KIF2C: variants seen among roughly 807,000 people sequenced by gnomAD.
KIF2C encodes the protein kinesin-like protein KIF2C.
KIF2C carries 34 observed loss-of-function variants against 97.4 expected under a neutral mutation model. The ratio of observed to expected loss-of-function variants is 0.35; its 90% CI spans 0.27 to 0.46. The LOEUF (loss-of-function observed/expected upper bound fraction) is 0.46, where lower values mean the gene tolerates loss of function less well. Among genes scored for constraint, KIF2C ranks in the 20% least tolerant of loss-of-function variants. The pLI is 1.00. For synonymous variants in KIF2C, 313 were observed against 318.2 expected (o/e 0.98, Z 0.17); for missense variants, 750 against 907.6 (o/e 0.83, Z 2.23).
At chr1:44,745,234 C>G (rs974909900) in intron 2 of KIF2C, among the ~76,000 whole-genome samples, 1 of 151,120 alleles carries the variant, frequency 6.6e-6, no homozygotes, top group African/African-American at 2.4e-5. Flanking sequence ...TTTATGCTCT[C>G]TGTAGTTTAG....
At position 44,750,454 on chromosome 1, in the gene KIF2C, G is replaced by T. The variant is rs1407372422; in HGVS notation, c.329G>T (p.Arg110Leu). Residue 110 changes from arginine to leucine, a missense_variant, in exon 5 of 21, where the codon CGC becomes CTC. Arg to Leu is a moderately radical substitution (Grantham distance 102, BLOSUM62 -2). Coordinates refer to ENST00000372224, the MANE Select transcript of KIF2C (RefSeq NM_006845.4). The part of the protein sequence containing the change: ...IPAPKESLRS[R>L]STRMSTVSEL... The stretch of plus-strand genomic sequence containing the variant: ...CTCGGTTCTCCAGGTCTTCGAAGCC[G>T]CTCCACTCGCATGTCCACTGTCTCA... 2 of 1,488,876 alleles carry T rather than the reference G, an allele frequency of 1.3e-6. No homozygotes were observed. 92.2% of individuals were successfully genotyped at this position (1,488,876 alleles called of 1,614,324 possible). A position where few individuals can be genotyped will look rare whatever the true frequency, so the allele number is the denominator to read the frequency against.
chr1:44,746,257 T>C, intron 2 of KIF2C: 2 of 583,982 alleles, frequency 3.4e-6, no homozygotes, highest in Non-Finnish European at 4.3e-6. Context: ...AAATACAAAG[T>C]TGGGACAAAT....
intron 19 of KIF2C, 145 bp from the exon 20 acceptor site, chr1:44,766,681 C>T: frequency 2.5e-6 from 2 of 795,700 alleles, no homozygotes; most frequent in Non-Finnish European, 3.9e-6. Flanking sequence ...TAAGGATTTC[C>T]TTGGGGAGAG....
intron 10 of KIF2C, among the ~76,000 whole-genome samples, chr1:44,757,183 C>T (rs548779130): frequency 6.6e-5 from 10 of 152,320 alleles, no homozygotes; most frequent in Admixed American, 2.6e-4. Flanking sequence ...TCCCAAAGTG[C>T]TGGGATTACA....
chr1:44,740,921 C>G lies in KIF2C; in HGVS notation c.79C>G (p.His27Asp). The G allele has an allele frequency of 6.2e-7, 1 of 1,608,362 alleles. No individual in the cohort carries two copies. The highest frequency in any genetic ancestry group is 8.5e-7 in the Non-Finnish European group (1 of 1,176,316). ...TTTTTCATACTTTATAGGTTTAATT[C>G]ACAGTGCCAATGTAAGGACTGTGAA... Reference protein sequence around the residue: ...IKIQRSNGLIHSANVRTVNLE... With the variant: ...IKIQRSNGLIDSANVRTVNLE... Residue 27 changes from histidine to aspartate, a missense_variant, in exon 2 of 21, where the codon CAC (histidine) becomes GAC (aspartate). By Grantham distance (81) the His-to-Asp change is moderately conservative. Transcript: ENST00000372224.
At chr1:44,748,461 C>T (rs1649336314) in intron 4 of KIF2C, among the ~76,000 whole-genome samples, 1 of 152,120 alleles carries the variant, frequency 6.6e-6, no homozygotes, top group African/African-American at 2.4e-5. Context: ...CTGGGTGTAC[C>T]GTAAGGTCAT....
intron 17 of KIF2C, 105 bp downstream of exon 17, chr1:44,762,088 C>A: frequency 9.6e-7 from 1 of 1,040,452 alleles, no homozygotes; most frequent in East Asian, 2.4e-5. Context: ...ACTGTATACT[C>A]CTCTGTGACT....
intron 2 of KIF2C, chr1:44,746,619 A>T (rs1649207614): frequency 1.4e-6 from 2 of 1,479,976 alleles, no homozygotes; most frequent in African/African-American, 2.8e-5. Flanking sequence ...TGCCCAGCAG[A>T]TCAGCAGGGG....
intron 1 of KIF2C, 59 bp from the exon 2 acceptor site, chr1:44,740,854 C>T (rs552334552): frequency 3.6e-6 from 4 of 1,100,492 alleles, no homozygotes; most frequent in East Asian, 5.7e-5. Flanking sequence ...TCTGTGGAAT[C>T]CTAAAAGTGA....
chr1:44,741,635 T>C (rs1279977692), intron 2 of KIF2C, among the ~76,000 whole-genome samples: 1 of 151,796 alleles, frequency 6.6e-6, no homozygotes, highest in African/African-American at 2.4e-5. Flanking sequence ...CACTGAACCA[T>C]GATCGAGCCA....
intron 4 of KIF2C, among the ~76,000 whole-genome samples, chr1:44,749,297 G>C (rs1284446560): frequency 6.6e-6 from 1 of 152,132 alleles, no homozygotes; most frequent in Non-Finnish European, 1.5e-5. Context: ...AGCCAGGCGT[G>C]GTGGTGGGTG....
chr1:44,747,508 C>T, intron 3 of KIF2C, 23 bp downstream of exon 3: 1 of 1,585,050 alleles, frequency 6.3e-7, no homozygotes, highest in Non-Finnish European at 8.6e-7. Flanking sequence ...CATCTGGCTG[C>T]AGCCAGTGCG....
chr1:44,750,717 C>A (rs556999488), intron 5 of KIF2C, among the ~76,000 whole-genome samples, 153 bp downstream of exon 5: 10 of 152,158 alleles, frequency 6.6e-5, no homozygotes, highest in Non-Finnish European at 1.3e-4. Context: ...ATTTGGAAAT[C>A]ATCTCTTTTT....
chr1:44,754,886 T>C (rs377108090), intron 8 of KIF2C, 41 bp downstream of exon 8: 16 of 1,238,096 alleles, frequency 1.3e-5, no homozygotes, highest in Admixed American at 5.3e-5. Flanking sequence ...AAGTGTACAA[T>C]TGAGAGACAG....
In KIF2C at chr1:44,760,972, G is replaced by C. The variant is rs1019356473; in HGVS notation, c.1683+270G>C. 8 of 384,530 alleles carry C rather than the reference G, an allele frequency of 2.1e-5. No individual in the cohort carries two copies. The highest frequency in any genetic ancestry group is 2.0e-4 in the Admixed American group (5 of 24,428). The allele number at this position is 384,530 out of a possible 1,614,324, so 23.8% of individuals were successfully genotyped here. ...TCATTCCTGCATTACCTGATGAAAA[G>C]GGGGTTCCAGAATTCGGAAGATGGG... On this transcript the variant is annotated intron_variant, in intron 16 of 20. Transcript: ENST00000372224. This position sits in a 1 kb window ranked among gnomAD's most constrained non-coding sequence, Gnocchi z 4.2.
At chr1:44,742,484 G>A (rs1409085687) in intron 2 of KIF2C, among the ~76,000 whole-genome samples, 1 of 151,670 alleles carries the variant, frequency 6.6e-6, no homozygotes, top group Non-Finnish European at 1.5e-5. Flanking sequence ...TTGGGAGGCC[G>A]AGGTGGGCGG....
chr1:44,762,034 A>C (rs1174109035), intron 17 of KIF2C, 51 bp downstream of exon 17: 1 of 1,533,120 alleles, frequency 6.5e-7, no homozygotes, highest in Admixed American at 1.7e-5. Context: ...GGGCAAGGGA[A>C]GGGCAGTGAT....
At chr1:44,749,087 A>G (rs953298459) in intron 4 of KIF2C, among the ~76,000 whole-genome samples, 7 of 152,180 alleles carry the variant, frequency 4.6e-5, no homozygotes, top group Non-Finnish European at 1.0e-4. Context: ...ACCTGAGGTC[A>G]GGAGTTCCAA....
intron 2 of KIF2C, among the ~76,000 whole-genome samples, chr1:44,743,319 C>T (rs1222743287): frequency 6.6e-6 from 1 of 152,146 alleles, no homozygotes; most frequent in Non-Finnish European, 1.5e-5. Context: ...TGCCCCTCTT[C>T]GAAGTTTAGT....
Sources: allele counts gnomAD v4.1 joint callset (sites outside exome capture counted in the v4.1 genomes callset), GRCh38; gene constraint gnomAD v4.1.1; non-coding constraint Gnocchi (gnomAD v3.1); transcripts MANE v1.5; gene names NCBI Gene and HGNC (gene_info 2026-07-23, HGNC 2026-07-21).